ASNSD1: variants seen among roughly 807,000 people sequenced by gnomAD.
ASNSD1 encodes the protein asparagine synthetase domain-containing protein 1.
Under a neutral mutation model 48.3 loss-of-function variants are expected in ASNSD1, and 36 were observed. That is an observed-to-expected ratio of 0.75 (90% confidence interval 0.57 to 0.99). The LOEUF (loss-of-function observed/expected upper bound fraction) is 0.99, where lower values mean the gene tolerates loss of function less well. Ranked by LOEUF, ASNSD1 falls within the 50% of genes least tolerant of loss-of-function variation. ASNSD1 has a pLI of 0.00. For missense variants in ASNSD1, 714 were observed against 758.2 expected, an observed-to-expected ratio of 0.94 and a Z score of 0.69; for synonymous variants, 257 against 262.1, an observed-to-expected ratio of 0.98 and a Z score of 0.19.
At chr2:189,665,938 A>G (rs1349235409) in intron 3 of ASNSD1, 103 bp from the exon 4 acceptor site, 3 of 519,430 alleles carry the variant, frequency 5.8e-6, no homozygotes, top group Admixed American at 3.7e-5. Flanking sequence ...GTGTGTTTAT[A>G]TGGTTTGATT....
intron 1 of ASNSD1, among the ~76,000 whole-genome samples, chr2:189,663,507 C>T (rs952638959): frequency 3.3e-5 from 5 of 152,182 alleles, no homozygotes; most frequent in Non-Finnish European, 7.4e-5. Flanking sequence ...CCCGCCTTGG[C>T]CTCCCGAAGT....
chr2:189,667,993 CA>C, intron 5 of ASNSD1, 48 bp downstream of exon 5: 1 of 1,537,540 alleles, frequency 6.5e-7, no homozygotes, highest in Non-Finnish European at 8.8e-7. Flanking sequence ...ATAAAAACAG[CA>C]GAGTGTAAAT....
intron 5 of ASNSD1, among the ~76,000 whole-genome samples, chr2:189,668,378 A>C (rs192157178): frequency 6.6e-6 from 1 of 152,138 alleles, no homozygotes; most frequent in African/African-American, 2.4e-5. Flanking sequence ...TTAGCTGATC[A>C]TGGTGCTGCA....
chr2:189,666,425 A>G lies in ASNSD1; in HGVS notation c.293A>G (p.Tyr98Cys). ...AATGACACTCAAATTTTGTTTAATTATCTTTCCTCCTGTAAGAATGAATCT... is the reference window on the plus strand; with the variant it reads ...AATGACACTCAAATTTTGTTTAATTGTCTTTCCTCCTGTAAGAATGAATCT... ...EENDTQILFNYLSSCKNESEI... is the reference protein window; with the variant it reads ...EENDTQILFNCLSSCKNESEI... The change falls in exon 4 of 6, where the codon TAT becomes TGT. Residue 98 changes from tyrosine (Y) to cysteine (C), a missense_variant. By Grantham distance (194) the Tyr-to-Cys change is radical (BLOSUM62 -2). Transcript: ENST00000260952. The G allele has an allele frequency of 2.5e-6, 4 of 1,614,014 alleles. No homozygotes were observed. Among genetic ancestry groups the G allele is most frequent in the Middle Eastern group, 1.6e-4 (1 of 6,062 alleles).
At chr2:189,667,648 C>T (rs992086207) in intron 4 of ASNSD1, 52 bp downstream of exon 4, 18 of 1,545,008 alleles carry the variant, frequency 1.2e-5, no homozygotes, top group Non-Finnish European at 1.5e-5. Context: ...ATTTTTGACC[C>T]TTAAAGCTTT....
chr2:189,662,647 C>A (rs2032693928), intron 1 of ASNSD1, among the ~76,000 whole-genome samples: 1 of 152,104 alleles, frequency 6.6e-6, no homozygotes, highest in Non-Finnish European at 1.5e-5. Flanking sequence ...GTTACAGATC[C>A]CTGAGGTGTG....
intron 5 of ASNSD1, 28 bp from the exon 6 acceptor site, chr2:189,670,413 T>C (rs2105690407): frequency 1.9e-6 from 3 of 1,548,690 alleles, no homozygotes; most frequent in Middle Eastern, 1.7e-4. Context: ...TATTTTTACA[T>C]AGTGGTTATA....
At chr2:189,663,590 C>T (rs1483061868) in intron 1 of ASNSD1, among the ~76,000 whole-genome samples, 1 of 152,166 alleles carries the variant, frequency 6.6e-6, no homozygotes, top group Non-Finnish European at 1.5e-5. Context: ...AGGTATAAAC[C>T]TTGTTTAGTA....
rs114586263 is a variant in ASNSD1 at position 189,667,971 on chromosome 2, T to A, written c.1646+26T>A. On this transcript the variant is annotated intron_variant, in intron 5 of 5. Coordinates refer to ENST00000260952, the MANE Select transcript of ASNSD1 (RefSeq NM_019048.4). ...GTAATTCTAATCATTTGAGTGTTCT[T>A]ACGGTATTTTTATAAAAACAGCAGA... 1.8e-3 allele frequency: 2,859 copies of A among 1,578,406 alleles called. 49 individuals are homozygous for A. In the African/African-American group the frequency reaches 0.036, roughly 20 times the overall value.
Position 189,661,480 on chromosome 2 carries a change from T to C in ASNSD1, c.-353T>C, listed in dbSNP as rs760100597. ...CGCTGTGGCTAATGCCGTAGGCTCC[T>C]TCAGGGCTGAGCCATCCCGCGTGTC... is the stretch of plus-strand genomic sequence containing the variant. On this transcript the variant is annotated 5_prime_UTR_variant, in exon 1 of 6. Transcript: ENST00000260952. The C allele has an allele frequency of 7.5e-6, 3 of 399,004 alleles. No individual in the cohort carries two copies. Among genetic ancestry groups the C allele is most frequent in the Non-Finnish European group, 1.3e-5 (3 of 226,154 alleles). The allele number at this position is 399,004 out of a possible 1,614,324, so 24.7% of individuals were successfully genotyped here. A position where few individuals can be genotyped will look rare whatever the true frequency, so the allele number is the denominator to read the frequency against.
Position 189,666,257 on chromosome 2 carries a change from A to G in ASNSD1, c.125A>G (p.Asp42Gly), listed in dbSNP as rs146886286. ...AGTAGTAAACAATTGTTAAAGTCTG[A>G]TGTTAACTACCAGTGTTTATTTTCT... is the stretch of plus-strand genomic sequence containing the variant. The part of the protein sequence containing the change: ...PNSSKQLLKS[D>G]VNYQCLFSAH... Residue 42 changes from aspartate to glycine, a missense_variant, in exon 4 of 6, where the codon GAT becomes GGT. Coordinates refer to ENST00000260952, the MANE Select transcript of ASNSD1 (RefSeq NM_019048.4). 1 of 1,614,046 alleles carries G rather than the reference A, an allele frequency of 6.2e-7. No individual in the cohort carries two copies. The highest frequency in any genetic ancestry group is 1.3e-5 in the African/African-American group (1 of 74,936).
intron 5 of ASNSD1, among the ~76,000 whole-genome samples, chr2:189,668,760 T>C (rs1019985810): frequency 2.0e-5 from 3 of 152,234 alleles, no homozygotes; most frequent in Non-Finnish European, 4.4e-5. Flanking sequence ...TAGTTACATA[T>C]TGCAGATTAC....
Position 189,667,383 on chromosome 2 carries a change from A to G in ASNSD1, c.1251A>G (p.Gln417=). 1 of 1,614,216 alleles carries G rather than the reference A, an allele frequency of 6.2e-7. No individual in the cohort carries two copies. The highest frequency in any genetic ancestry group is 1.6e-4 in the Middle Eastern group (1 of 6,062). Residue 417 remains glutamine (Q), a synonymous_variant, in exon 4 of 6, where the codon CAA becomes CAG. Transcript: ENST00000260952. ...ITGRAGLKEL[Q]AVSPSRIWNF... is the part of the protein sequence containing the mutation. ...GAAGGGCGGGACTAAAGGAACTACA[A>G]GCTGTTAGCCCTTCCCGAATTTGGA...
chr2:189,667,784 T>C lies in ASNSD1; in HGVS notation c.1485T>C (p.Gly495=). The C allele has an allele frequency of 6.2e-7, 1 of 1,613,572 alleles. No individual in the cohort carries two copies. The highest frequency in any genetic ancestry group is 8.5e-7 in the Non-Finnish European group (1 of 1,179,830). Residue 495 remains glycine (G), a synonymous_variant, in exon 5 of 6, where the codon GGT becomes GGC. Transcript: ENST00000260952. ...CATAGGTAGTTCTCACTGGAATTGG[T>C]GCAGATGAGCAACTTGCAGGTTATT... ...SNAKVVLTGI[G]ADEQLAGYSR...
intron 5 of ASNSD1, among the ~76,000 whole-genome samples, chr2:189,670,014 GATC>G (rs2032893553): frequency 6.6e-6 from 1 of 151,994 alleles, no homozygotes; most frequent in Admixed American, 6.6e-5. Flanking sequence ...AGTTAGTTAA[GATC>G]ATGCTCGTAG....
chr2:189,663,153 A>G (rs532090086), intron 1 of ASNSD1, among the ~76,000 whole-genome samples: 2 of 152,002 alleles, frequency 1.3e-5, no homozygotes, highest in South Asian at 4.2e-4. Context: ...CCCTCATTCA[A>G]TTTGCTTTTT....
chr2:189,667,946 G>C lies in ASNSD1; in HGVS notation c.1646+1G>C. 6.2e-7 allele frequency: 1 copy of C among 1,605,976 alleles called. No homozygotes were observed. Among genetic ancestry groups the C allele is most frequent in the Non-Finnish European group, 8.5e-7 (1 of 1,176,930 alleles). ...TTGGTGATCATGGAAAAGAAGCAAG[G>C]TAATTCTAATCATTTGAGTGTTCTT... On this transcript the variant is annotated splice_donor_variant, in intron 5 of 5. Coordinates refer to ENST00000260952, the MANE Select transcript of ASNSD1 (RefSeq NM_019048.4). LOFTEE classifies it high-confidence loss of function.
At chr2:189,665,584 T>TTA (rs1289542564) in intron 3 of ASNSD1, 133 bp downstream of exon 3, 2 of 140,494 alleles carry the variant, frequency 1.4e-5, no homozygotes, top group African/African-American at 7.4e-5. Flanking sequence ...GAGTCAACAG[T>TTA]TATATATATA....
Position 189,666,463 on chromosome 2 carries a change from C to G in ASNSD1, c.331C>G (p.Leu111Val), listed in dbSNP as rs146979789. 3.7e-5 allele frequency: 60 copies of G among 1,613,576 alleles called. No homozygotes were observed. In the Admixed American group the frequency reaches 4.3e-4, roughly 12 times the overall value. Reference protein sequence around the residue: ...SCKNESEILSLFSEVQGPWSF... With the variant: ...SCKNESEILSVFSEVQGPWSF... ...TAAGAATGAATCTGAGATTTTGTCACTCTTCTCAGAAGTACAAGGTCCCTG... is the reference window on the plus strand; with the variant it reads ...TAAGAATGAATCTGAGATTTTGTCAGTCTTCTCAGAAGTACAAGGTCCCTG... Residue 111 changes from leucine to valine, a missense_variant, in exon 4 of 6, where the codon CTC becomes GTC. Coordinates refer to ENST00000260952, the MANE Select transcript of ASNSD1 (RefSeq NM_019048.4).
Sources: allele counts gnomAD v4.1 joint callset (sites outside exome capture counted in the v4.1 genomes callset), GRCh38; gene constraint gnomAD v4.1.1; transcripts MANE v1.5; gene names NCBI Gene and HGNC (gene_info 2026-07-23, HGNC 2026-07-21).